The following ATF7IP variants were observed in gnomAD, a reference collection of about 807,000 sequenced individuals.
The protein encoded by ATF7IP is activating transcription factor 7-interacting protein 1.
ATF7IP carries 23 observed loss-of-function variants against 106.4 expected under a neutral mutation model. The observed-to-expected ratio is 0.22, with a 90% CI of 0.16 to 0.31. The LOEUF (loss-of-function observed/expected upper bound fraction) is 0.31, where lower values mean the gene tolerates loss of function less well. ATF7IP is among the 10% of genes least tolerant of loss of function. ATF7IP has a pLI of 1.00. For synonymous variants in ATF7IP, 542 were observed against 539.0 expected (o/e 1.01, Z -0.08); for missense variants, 1,334 against 1,524.3 (o/e 0.88, Z 2.08).
At chr12:14,449,763 G>T (rs1290931737) in intron 6 of ATF7IP, among the ~76,000 whole-genome samples, 1 of 150,106 alleles carries the variant, frequency 6.7e-6, no homozygotes, top group African/African-American at 2.4e-5. Flanking sequence ...GGATTGCATT[G>T]AATCTGCAGG....
Position 14,499,967 on chromosome 12 carries a change from A to C in ATF7IP, c.*1894A>C, listed in dbSNP as rs1383571137. Reference sequence around the variant, plus strand: ...GATTTTTAATATGAGGGCCAGCTGTACTGGTGTCAGGTAGGTGTTTTGGGT... The same window carrying C: ...GATTTTTAATATGAGGGCCAGCTGTCCTGGTGTCAGGTAGGTGTTTTGGGT... On this transcript the variant is annotated 3_prime_UTR_variant, in exon 15 of 15. Transcript: ENST00000261168. The C allele has an allele frequency of 6.6e-6, 1 of 152,214 alleles. No homozygotes were observed. Among genetic ancestry groups the C allele is most frequent in the Admixed American group, 6.5e-5 (1 of 15,282 alleles). The allele number at this position is 152,214 out of a possible 1,614,324, so 9.4% of individuals were successfully genotyped here. A position where few individuals can be genotyped will look rare whatever the true frequency, so the allele number is the denominator to read the frequency against.
intron 10 of ATF7IP, among the ~76,000 whole-genome samples, chr12:14,469,876 A>G (rs1232416745): frequency 6.6e-6 from 1 of 152,156 alleles, no homozygotes. Context: ...TGGCTTATTA[A>G]CCTTAGAGAC....
At chr12:14,383,814 G>A (rs754225535) in intron 1 of ATF7IP, among the ~76,000 whole-genome samples, 7 of 152,174 alleles carry the variant, frequency 4.6e-5, no homozygotes, top group Non-Finnish European at 7.3e-5. Flanking sequence ...CTTCCGCCTT[G>A]GCCTCCCAGA....
chr12:14,418,683 T>A (rs1941334604), intron 1 of ATF7IP, among the ~76,000 whole-genome samples: 1 of 152,228 alleles, frequency 6.6e-6, no homozygotes, highest in Non-Finnish European at 1.5e-5. Flanking sequence ...ATGGCTGAAC[T>A]AGTTTGAACT....
At chr12:14,415,588 C>T (rs1247820171) in intron 1 of ATF7IP, among the ~76,000 whole-genome samples, 1 of 151,904 alleles carries the variant, frequency 6.6e-6, no homozygotes, top group Non-Finnish European at 1.5e-5. Context: ...TGGTCGGTGA[C>T]AGGCAGAGGG....
chr12:14,374,036 T>A lies in ATF7IP; in HGVS notation c.-8+8209T>A, dbSNP rs188382624. Among the ~76,000 whole-genome samples the A allele has an allele frequency of 1.2e-3, 186 of 151,692 alleles. 2 individuals are homozygous for A. Among genetic ancestry groups the A allele is most frequent in the African/African-American group, 4.3e-3 (179 of 41,428 alleles). Reference sequence around the variant, plus strand: ...ATGTTTGCATTATTTTATCCAGATTTTTTTTTCTCTGTTTATAACTGTATG... The same window carrying A: ...ATGTTTGCATTATTTTATCCAGATTATTTTTTCTCTGTTTATAACTGTATG... On this transcript the variant is annotated intron_variant, in intron 1 of 14. Coordinates refer to ENST00000261168, the MANE Select transcript of ATF7IP (RefSeq NM_018179.5).
In ATF7IP at chr12:14,424,593, T is replaced by C; in HGVS notation, c.678T>C (p.Ala226=). Residue 226 remains alanine, a synonymous_variant, in exon 2 of 15, where the codon GCT becomes GCC. Transcript: ENST00000261168. ...AACCCATTTCTGGTGATTGTGCCGC[T>C]GATGATATAGCCTCTAGTGAAATAA... is the stretch of plus-strand genomic sequence containing the variant. ...PVEPISGDCA[A]DDIASSEITS... is the part of the protein sequence containing the mutation. The C allele has an allele frequency of 1.2e-6, 2 of 1,614,174 alleles. No homozygotes were observed. The highest frequency in any genetic ancestry group is 1.7e-6 in the Non-Finnish European group (2 of 1,180,044).
intron 1 of ATF7IP, among the ~76,000 whole-genome samples, chr12:14,379,940 G>A (rs1228609459): frequency 6.6e-6 from 1 of 151,964 alleles, no homozygotes; most frequent in Non-Finnish European, 1.5e-5. Context: ...GGAAATTCTT[G>A]CCCTTCAACT....
chr12:14,464,254 G>A (rs1943745229), intron 9 of ATF7IP, among the ~76,000 whole-genome samples: 1 of 152,236 alleles, frequency 6.6e-6, no homozygotes, highest in Non-Finnish European at 1.5e-5. Context: ...GAACCCAGGA[G>A]GTCAAGGCTG....
At chr12:14,436,436 A>C (rs960927949) in intron 4 of ATF7IP, among the ~76,000 whole-genome samples, 185 bp downstream of exon 4, 1 of 152,266 alleles carries the variant, frequency 6.6e-6, no homozygotes, top group African/African-American at 2.4e-5. Context: ...TCACCCCTGT[A>C]ATCCCAATCC....
chr12:14,476,608 G>A (rs887552477), intron 11 of ATF7IP, among the ~76,000 whole-genome samples: 29 of 151,954 alleles, frequency 1.9e-4, no homozygotes, highest in Non-Finnish European at 4.3e-4. Context: ...TAGCCTTAGA[G>A]AAAACAATTC....
intron 2 of ATF7IP, among the ~76,000 whole-genome samples, chr12:14,426,848 AAAG>A (rs149524430): frequency 0.27 from 26,941 of 99,438 alleles, 7,191 homozygotes; most frequent in Admixed American, 0.34. Context: ...AAAAAAAAAA[AAAG>A]GATGGCTTTT....
intron 1 of ATF7IP, among the ~76,000 whole-genome samples, chr12:14,413,233 T>C (rs1941020855): frequency 6.6e-6 from 1 of 152,146 alleles, no homozygotes; most frequent in Non-Finnish European, 1.5e-5. Flanking sequence ...CTATTCTTAG[T>C]TGGTTGAGTG....
At chr12:14,400,564 CAG>C (rs1339701896) in intron 1 of ATF7IP, among the ~76,000 whole-genome samples, 8 of 151,940 alleles carry the variant, frequency 5.3e-5, no homozygotes, top group Admixed American at 1.3e-4. Context: ...TAATATTTCT[CAG>C]AGATTTTTTT....
intron 1 of ATF7IP, among the ~76,000 whole-genome samples, chr12:14,415,779 A>G (rs1169840715): frequency 3.3e-5 from 5 of 151,512 alleles, no homozygotes; most frequent in Non-Finnish European, 5.9e-5. Context: ...GCAACAGTGT[A>G]ACATCTGTTT....
At chr12:14,440,358 T>C (rs1289959689) in intron 5 of ATF7IP, among the ~76,000 whole-genome samples, 2 of 152,222 alleles carry the variant, frequency 1.3e-5, no homozygotes, top group African/African-American at 4.8e-5. Context: ...TCAGTCTCTT[T>C]ATAGTCCAAG....
rs1450636145 is a variant in ATF7IP at position 14,460,829 on chromosome 12, T to C, written c.2493T>C (p.Asn831=). 14 of 1,614,054 alleles carry C rather than the reference T, an allele frequency of 8.7e-6. No individual in the cohort carries two copies. The highest frequency in any genetic ancestry group is 1.1e-5 in the Non-Finnish European group (13 of 1,180,030). ...CTACAGTGAGTGGTCTTACCAAAAATCCAGTATCCTTGCCATCCTTGCCAA... is the reference window on the plus strand; with the variant it reads ...CTACAGTGAGTGGTCTTACCAAAAACCCAGTATCCTTGCCATCCTTGCCAA... The part of the protein sequence containing the change: ...SPPTVSGLTK[N]PVSLPSLPNP... The change falls in exon 9 of 15, where the codon AAT becomes AAC. Residue 831 remains asparagine, a synonymous_variant. Transcript: ENST00000261168.
chr12:14,477,305 T>C (rs1944291960), intron 11 of ATF7IP, among the ~76,000 whole-genome samples: 1 of 152,210 alleles, frequency 6.6e-6, no homozygotes, highest in East Asian at 1.9e-4. Flanking sequence ...AAAACTGAAT[T>C]GAGAAATGTA....
chr12:14,455,444 AAGT>A (rs1459391727), intron 6 of ATF7IP, among the ~76,000 whole-genome samples: 1 of 152,192 alleles, frequency 6.6e-6, no homozygotes, highest in Non-Finnish European at 1.5e-5. Flanking sequence ...GTCATATAAA[AAGT>A]AGCAAGATGT....
Sources: gnomAD v4.1 joint callset for allele counts (sites outside exome capture counted in the v4.1 genomes callset) on GRCh38, gnomAD v4.1.1 for gene constraint, MANE v1.5 for transcripts, NCBI Gene and HGNC (gene_info 2026-07-23, HGNC 2026-07-21) for gene names.